COL22A1: variants seen among roughly 807,000 people sequenced by gnomAD.
COL22A1 encodes the protein collagen alpha-1(XXII) chain.
Under a neutral mutation model 248.9 loss-of-function variants are expected in COL22A1, and 221 were observed. That is an observed-to-expected ratio of 0.89 (90% CI 0.80 to 0.99). The LOEUF is 0.99. COL22A1 is among the 50% of genes least tolerant of loss of function. The probability of loss-of-function intolerance (pLI) is 0.00; values close to 1 mark genes in which losing one functional copy is unlikely to be tolerated. For synonymous variants in COL22A1, 891 were observed against 793.4 expected (o/e 1.12, Z -2.07); for missense variants, 2,240 against 2,179.0 (o/e 1.03, Z -0.56).
intron 57 of COL22A1, among the ~76,000 whole-genome samples, chr8:138,606,950 T>A (rs1364735077): frequency 6.6e-6 from 1 of 152,108 alleles, no homozygotes; most frequent in Non-Finnish European, 1.5e-5. Flanking sequence ...CTTGACCCAA[T>A]CCCACCTCCT....
intron 3 of COL22A1, among the ~76,000 whole-genome samples, chr8:138,855,587 C>T (rs781717109): frequency 2.0e-5 from 3 of 152,240 alleles, no homozygotes; most frequent in Non-Finnish European, 4.4e-5. Context: ...AGCAATCCTT[C>T]CTTCTACTCA....
chr8:138,613,231 G>C (rs1587674439), intron 56 of COL22A1, among the ~76,000 whole-genome samples: 1 of 145,100 alleles, frequency 6.9e-6, no homozygotes, highest in African/African-American at 2.5e-5. Flanking sequence ...CTGGGTGACA[G>C]AGCGAGACTC....
intron 3 of COL22A1, among the ~76,000 whole-genome samples, chr8:138,844,810 C>T (rs924533897): frequency 3.3e-5 from 5 of 151,898 alleles, no homozygotes; most frequent in African/African-American, 7.3e-5. Context: ...ATTAGCCGGG[C>T]GTGGTGGCAG....
At chr8:138,783,235 C>T (rs537068141) in intron 12 of COL22A1, among the ~76,000 whole-genome samples, 2 of 152,200 alleles carry the variant, frequency 1.3e-5, no homozygotes, top group South Asian at 4.1e-4. Context: ...GTTTAATTTT[C>T]TATAAAATGG....
chr8:138,790,806 T>G (rs1815964677), intron 12 of COL22A1, among the ~76,000 whole-genome samples: 1 of 152,158 alleles, frequency 6.6e-6, no homozygotes, highest in African/African-American at 2.4e-5. Context: ...CCAATGGCTG[T>G]GCCCTATCAG....
intron 24 of COL22A1, 48 bp downstream of exon 24, chr8:138,725,339 G>A: frequency 6.3e-7 from 1 of 1,591,746 alleles, no homozygotes; most frequent in Non-Finnish European, 8.6e-7. Flanking sequence ...CCACAGGCCA[G>A]GAAACCACCA....
intron 44 of COL22A1, among the ~76,000 whole-genome samples, chr8:138,659,217 T>C (rs1158236486): frequency 2.6e-5 from 4 of 152,114 alleles, no homozygotes; most frequent in African/African-American, 7.2e-5. Context: ...CAACAAGACT[T>C]TATGCTCCTC....
chr8:138,886,469 G>A (rs911729976), intron 1 of COL22A1, among the ~76,000 whole-genome samples: 1 of 152,144 alleles, frequency 6.6e-6, no homozygotes. Context: ...GAAAGAAGGG[G>A]AGGCTGATGG....
intron 10 of COL22A1, among the ~76,000 whole-genome samples, chr8:138,806,981 C>A (rs566782546): frequency 2.4e-4 from 36 of 152,246 alleles, no homozygotes; most frequent in Middle Eastern, 6.8e-3. Context: ...CAGGGCCTGG[C>A]CCTCAGCAGG....
chr8:138,736,302 G>A (rs946453658), intron 23 of COL22A1, among the ~76,000 whole-genome samples: 1 of 151,958 alleles, frequency 6.6e-6, no homozygotes, highest in Non-Finnish European at 1.5e-5. Context: ...GGGGCTCAAA[G>A]AAAGGATGAA....
intron 1 of COL22A1, among the ~76,000 whole-genome samples, chr8:138,911,729 G>A (rs1815465303): frequency 6.6e-6 from 1 of 152,202 alleles, no homozygotes; most frequent in Admixed American, 6.5e-5. Flanking sequence ...CATCCGTTTA[G>A]GGGCCATTTA....
intron 4 of COL22A1, among the ~76,000 whole-genome samples, chr8:138,839,732 G>A (rs1820732441): frequency 1.3e-5 from 2 of 152,212 alleles, no homozygotes. Context: ...CAAGTGGGAA[G>A]AGAGAGACAT....
intron 16 of COL22A1, among the ~76,000 whole-genome samples, chr8:138,764,235 C>T (rs967160662): frequency 6.6e-6 from 1 of 152,160 alleles, no homozygotes; most frequent in Non-Finnish European, 1.5e-5. Flanking sequence ...CTGGGGATGG[C>T]AGGGCAGGGG....
intron 39 of COL22A1, among the ~76,000 whole-genome samples, chr8:138,683,601 G>C (rs1020978220): frequency 1.3e-5 from 2 of 152,022 alleles, no homozygotes; most frequent in Non-Finnish European, 2.9e-5. Flanking sequence ...CCTCCCACAG[G>C]GTTCTCCACT....
At chr8:138,736,178 G>C (rs547672201) in intron 23 of COL22A1, among the ~76,000 whole-genome samples, 1 of 151,884 alleles carries the variant, frequency 6.6e-6, no homozygotes, top group Non-Finnish European at 1.5e-5. Flanking sequence ...TATGGCGAGA[G>C]CTGAGCACTG....
intron 44 of COL22A1, 51 bp from the exon 45 acceptor site, chr8:138,655,995 A>C (rs768324917): frequency 7.1e-7 from 1 of 1,417,980 alleles, no homozygotes. Context: ...ATATACAATA[A>C]ATCCCAGGCA....
intron 28 of COL22A1, among the ~76,000 whole-genome samples, 200 bp from the exon 29 acceptor site, chr8:138,716,489 C>G (rs1829442496): frequency 6.6e-6 from 1 of 152,208 alleles, no homozygotes; most frequent in African/African-American, 2.4e-5. Context: ...CTCTTGTCTA[C>G]TTCAGCTGTT....
At chr8:138,756,874 C>T (rs960553176) in intron 18 of COL22A1, among the ~76,000 whole-genome samples, 1 of 152,186 alleles carries the variant, frequency 6.6e-6, no homozygotes, top group Non-Finnish European at 1.5e-5. Context: ...TTCACAGCAT[C>T]AAGTGTTTTT....
chr8:138,694,417 G>T (rs946604379), intron 34 of COL22A1, 91 bp downstream of exon 34: 7 of 1,308,286 alleles, frequency 5.4e-6, no homozygotes, highest in Non-Finnish European at 7.8e-6. Flanking sequence ...AAATGCCAGG[G>T]GAGAGAACTG....
Sources: allele counts gnomAD v4.1 joint callset (sites outside exome capture counted in the v4.1 genomes callset), GRCh38; gene constraint gnomAD v4.1.1; transcripts MANE v1.5; gene names NCBI Gene and HGNC (gene_info 2026-07-23, HGNC 2026-07-21).